SEL1L2: variants seen among roughly 807,000 people sequenced by gnomAD.
The protein encoded by SEL1L2 is SEL1L2 adaptor subunit of SYVN1 ubiquitin ligase.
SEL1L2 carries 89 observed loss-of-function variants against 98.8 expected under a neutral mutation model. The observed-to-expected ratio is 0.90, with a 90% confidence interval of 0.76 to 1.07. The LOEUF (loss-of-function observed/expected upper bound fraction) is 1.07. Among genes scored for constraint, SEL1L2 ranks in the 50% least tolerant of loss-of-function variants. The pLI is 0.00. For synonymous variants in SEL1L2, 262 were observed against 278.5 expected, an observed-to-expected ratio of 0.94 and a Z score of 0.59; for missense variants, 788 against 812.0, an observed-to-expected ratio of 0.97 and a Z score of 0.36.
intron 5 of SEL1L2, among the ~76,000 whole-genome samples, chr20:13,907,354 C>T (rs1404632889): frequency 1.3e-5 from 2 of 151,876 alleles, no homozygotes; most frequent in African/African-American, 2.4e-5. Context: ...CACTTGAGGC[C>T]AGGAGTTTGA....
chr20:13,942,727 A>G (rs2049836414), intron 2 of SEL1L2, among the ~76,000 whole-genome samples: 1 of 152,236 alleles, frequency 6.6e-6, no homozygotes, highest in South Asian at 2.1e-4. Flanking sequence ...GTTTCTCATC[A>G]GAAATTGAAA....
Position 13,859,450 on chromosome 20 carries a change from G to A in SEL1L2, c.1646-16C>T, listed in dbSNP as rs1395888407. 2 of 1,598,670 alleles carry A rather than the reference G, an allele frequency of 1.3e-6. No individual in the cohort carries two copies. The highest frequency in any genetic ancestry group is 3.4e-5 in the Admixed American group (2 of 58,842). ...AATGCATTGCCTGATAGAAATATTA[G>A]AGAAAAAAGAATCATAACTCAAATG... is the stretch of plus-strand genomic sequence containing the variant. On this transcript the variant is annotated splice_polypyrimidine_tract_variant and intron_variant, in intron 17 of 19. Coordinates refer to ENST00000284951, the MANE Select transcript of SEL1L2 (RefSeq NM_025229.2).
chr20:13,878,955 G>T lies in SEL1L2; in HGVS notation c.958-1367C>A, dbSNP rs1435772612. On this transcript the variant is annotated intron_variant, in intron 10 of 19. Coordinates refer to ENST00000284951, the MANE Select transcript of SEL1L2 (RefSeq NM_025229.2). ...AATAGAATAAAAGACATTGTATCCA[G>T]TTCTCCTATAAGTTTTTGCAAACTT... Among the ~76,000 whole-genome samples the T allele has an allele frequency of 3.9e-5, 6 of 152,304 alleles. No individual in the cohort carries two copies. The South Asian group carries it at 6.2e-4, about 16-fold the overall frequency.
At chr20:13,945,162 C>T (rs899741528) in intron 2 of SEL1L2, among the ~76,000 whole-genome samples, 2 of 152,010 alleles carry the variant, frequency 1.3e-5, no homozygotes, top group Non-Finnish European at 2.9e-5. Flanking sequence ...TTCACAGCAC[C>T]CTGCAATGTT....
At chr20:13,863,456 C>T (rs1269334884) in intron 17 of SEL1L2, among the ~76,000 whole-genome samples, 1 of 152,104 alleles carries the variant, frequency 6.6e-6, no homozygotes, top group Non-Finnish European at 1.5e-5. Context: ...AGTCACAGGG[C>T]AGTGACTGAG....
chr20:13,869,467 C>T, intron 14 of SEL1L2, 36 bp downstream of exon 14: 1 of 1,462,744 alleles, frequency 6.8e-7, no homozygotes. Context: ...ATGCATATGT[C>T]ATTCTAAATA....
chr20:13,921,430 C>A (rs1860338390), intron 3 of SEL1L2, among the ~76,000 whole-genome samples: 1 of 152,134 alleles, frequency 6.6e-6, no homozygotes, highest in Non-Finnish European at 1.5e-5. Context: ...CCTTGGCTTC[C>A]CAAAATGCTG....
intron 2 of SEL1L2, among the ~76,000 whole-genome samples, chr20:13,948,231 T>A (rs1396756111): frequency 6.6e-6 from 1 of 150,684 alleles, no homozygotes; most frequent in African/African-American, 2.5e-5. Context: ...AAAATCCCAA[T>A]GGCTTTTTTT....
chr20:13,859,932 G>C (rs942809886), intron 17 of SEL1L2, among the ~76,000 whole-genome samples: 6 of 152,212 alleles, frequency 3.9e-5, no homozygotes, highest in African/African-American at 1.4e-4. Context: ...TTGAACTCCT[G>C]ACCTCAGGTG....
At chr20:13,907,108 G>T (rs2047967370) in intron 5 of SEL1L2, among the ~76,000 whole-genome samples, 1 of 152,144 alleles carries the variant, frequency 6.6e-6, no homozygotes, top group Admixed American at 6.5e-5. Context: ...TGTCAATGAT[G>T]TTTATTTTTA....
At chr20:13,880,016 T>TC (rs2046620719) in intron 10 of SEL1L2, among the ~76,000 whole-genome samples, 1 of 152,206 alleles carries the variant, frequency 6.6e-6, no homozygotes, top group South Asian at 2.1e-4. Context: ...ATTATTGACT[T>TC]ATTTTGTCTC....
chr20:13,973,769 A>G (rs1014516685), intron 1 of SEL1L2, among the ~76,000 whole-genome samples: 1 of 152,184 alleles, frequency 6.6e-6, no homozygotes, highest in African/African-American at 2.4e-5. Context: ...TACTTTTGCC[A>G]GGTTCCTGAT....
chr20:13,926,418 G>T (rs1043551826), intron 3 of SEL1L2, among the ~76,000 whole-genome samples: 1 of 152,188 alleles, frequency 6.6e-6, no homozygotes, highest in Non-Finnish European at 1.5e-5. Flanking sequence ...TGCGATGCGG[G>T]CTCACTTGGC....
At chr20:13,903,262 T>C (rs1486943599) in intron 5 of SEL1L2, among the ~76,000 whole-genome samples, 3 of 152,240 alleles carry the variant, frequency 2.0e-5, no homozygotes, top group African/African-American at 4.8e-5. Flanking sequence ...TTTAGATATT[T>C]CACACATTAT....
intron 5 of SEL1L2, among the ~76,000 whole-genome samples, chr20:13,907,967 T>A (rs115593561): frequency 0.022 from 3,325 of 151,328 alleles, 110 homozygotes; most frequent in African/African-American, 0.074. Context: ...TATATTTTTT[T>A]GTAAAGATAG....
intron 15 of SEL1L2, among the ~76,000 whole-genome samples, chr20:13,866,482 C>G (rs1407417600): frequency 6.6e-6 from 1 of 152,164 alleles, no homozygotes; most frequent in African/African-American, 2.4e-5. Context: ...GATGAAAAGC[C>G]AAATGTCAGA....
chr20:13,906,167 C>G (rs964024094), intron 5 of SEL1L2, among the ~76,000 whole-genome samples: 2 of 152,150 alleles, frequency 1.3e-5, no homozygotes, highest in African/African-American at 4.8e-5. Context: ...TAAGCCAGGG[C>G]TCCCAGCCCC....
intron 1 of SEL1L2, among the ~76,000 whole-genome samples, chr20:13,962,345 C>G (rs1039264074): frequency 2.0e-5 from 3 of 152,184 alleles, no homozygotes; most frequent in Non-Finnish European, 2.9e-5. Flanking sequence ...CTTCAAATTC[C>G]AAGGCTAGTC....
In SEL1L2 at chr20:13,885,409, AATG is replaced by A. The variant is rs773479971; in HGVS notation, c.901-9_901-7del. 14 of 1,585,870 alleles carry A rather than the reference AATG, an allele frequency of 8.8e-6. No individual in the cohort carries two copies. Among genetic ancestry groups the A allele is most frequent in the Non-Finnish European group, 1.2e-5 (14 of 1,154,408 alleles). The stretch of plus-strand genomic sequence containing the variant: ...TGTAATTGTCCAAGAGAGACCTAGG[AATG>A]ATGAGTTTGGAAATGATTTTAGCAG... On this transcript the variant is annotated splice_polypyrimidine_tract_variant and splice_region_variant and intron_variant, in intron 9 of 19. Transcript: ENST00000284951.
Sources: allele counts gnomAD v4.1 joint callset (sites outside exome capture counted in the v4.1 genomes callset), GRCh38; gene constraint gnomAD v4.1.1; transcripts MANE v1.5; gene names NCBI Gene and HGNC (gene_info 2026-07-23, HGNC 2026-07-21).